Variants in NAA16 observed in about 807,000 individuals in gnomAD.
The protein encoded by NAA16 is NARG1-like protein.
Under a neutral mutation model 110.3 loss-of-function variants are expected in NAA16, and 97 were observed. The ratio of observed to expected loss-of-function variants is 0.88; its 90% CI spans 0.75 to 1.04. The LOEUF (loss-of-function observed/expected upper bound fraction) is 1.04, where lower values mean the gene tolerates loss of function less well. Ranked by LOEUF, NAA16 falls within the 50% of genes least tolerant of loss-of-function variation. The pLI is 0.00. For missense variants in NAA16, 1,017 were observed against 1,005.1 expected, an observed-to-expected ratio of 1.01 and a Z score of -0.16; for synonymous variants, 372 against 330.6, an observed-to-expected ratio of 1.13 and a Z score of -1.36.
Position 41,311,561 on chromosome 13 carries a change from C to T in NAA16, c.33C>T (p.Ser11=). The change falls in exon 1 of 20, where the codon AGC becomes AGT. Residue 11 remains serine, a synonymous_variant. Coordinates refer to ENST00000379406, the MANE Select transcript of NAA16 (RefSeq NM_024561.5). MPNVLLPPKE[S]NLFKRILKCY... is the part of the protein sequence containing the mutation. ...ACGTGCTGCTGCCGCCCAAGGAGAG[C>T]AACCTCTTCAAACGCATCTTGGTGA... The T allele has an allele frequency of 6.2e-7, 1 of 1,608,662 alleles. No individual in the cohort carries two copies. Among genetic ancestry groups the T allele is most frequent in the Non-Finnish European group, 8.5e-7 (1 of 1,177,858 alleles).
In NAA16 at chr13:41,360,631, T is replaced by C. The variant is rs77759991; in HGVS notation, c.1411-1400T>C. 3.7e-3 allele frequency among the ~76,000 whole-genome samples: 556 copies of C among 152,326 alleles called. 6 individuals carry two copies. Among genetic ancestry groups the C allele is most frequent in the African/African-American group, 0.013 (529 of 41,586 alleles). Reference sequence around the variant, plus strand: ...CATGCTGTATGGCAAGCTTGTTCACTTTATGCACACTAGTTTGTTGGCCAG... The same window carrying C: ...CATGCTGTATGGCAAGCTTGTTCACCTTATGCACACTAGTTTGTTGGCCAG... On this transcript the variant is annotated intron_variant, in intron 12 of 19. Coordinates refer to ENST00000379406, the MANE Select transcript of NAA16 (RefSeq NM_024561.5).
intron 5 of NAA16, among the ~76,000 whole-genome samples, chr13:41,324,347 T>C (rs1016439143): frequency 1.4e-5 from 2 of 147,872 alleles, no homozygotes; most frequent in Non-Finnish European, 3.0e-5. Context: ...TTTAGGTGTT[T>C]GCAATTTCTT....
chr13:41,344,227 G>A (rs934782779), intron 9 of NAA16, among the ~76,000 whole-genome samples: 1 of 152,208 alleles, frequency 6.6e-6, no homozygotes, highest in African/African-American at 2.4e-5. Context: ...TCACAAGGTT[G>A]TAAACATCAA....
At chr13:41,370,313 A>G (rs1346372254) in intron 15 of NAA16, among the ~76,000 whole-genome samples, 1 of 152,242 alleles carries the variant, frequency 6.6e-6, no homozygotes, top group South Asian at 2.1e-4. Flanking sequence ...GAGAAGAGGT[A>G]TCTGCCTGAA....
intron 8 of NAA16, among the ~76,000 whole-genome samples, chr13:41,336,290 G>A (rs2042379736): frequency 6.6e-6 from 1 of 152,108 alleles, no homozygotes; most frequent in Admixed American, 6.6e-5. Context: ...GAGTGTTGAA[G>A]TAAATGACAA....
chr13:41,350,194 T>G (rs996719671), intron 9 of NAA16, among the ~76,000 whole-genome samples: 4 of 150,456 alleles, frequency 2.7e-5, no homozygotes, highest in African/African-American at 9.8e-5. Flanking sequence ...CCTGGAAGGT[T>G]GAAGGCTGCA....
At position 41,323,799 on chromosome 13, in the gene NAA16, A is replaced by G. The variant is rs550622338; in HGVS notation, c.537+609A>G. On this transcript the variant is annotated intron_variant, in intron 5 of 19. Coordinates refer to ENST00000379406, the MANE Select transcript of NAA16 (RefSeq NM_024561.5). ...CACGCCTGCCTCCACGTTTCAATGG[A>G]GAATATTCTACATGTGGATTCAGCT... is the stretch of plus-strand genomic sequence containing the variant. Among the ~76,000 whole-genome samples, 13 of 152,128 alleles carry G rather than the reference A, an allele frequency of 8.5e-5. No individual in the cohort carries two copies. In the South Asian group the frequency reaches 2.7e-3, roughly 32 times the overall value.
At chr13:41,338,348 A>T (rs542054618) in intron 9 of NAA16, among the ~76,000 whole-genome samples, 1 of 152,310 alleles carries the variant, frequency 6.6e-6, no homozygotes, top group Admixed American at 6.5e-5. Flanking sequence ...CTTTTTAAAA[A>T]TTCTTCTAAT....
rs946543603 is a variant in NAA16 at position 41,374,784 on chromosome 13, A to G, written c.2342A>G (p.Lys781Arg). The change falls in exon 19 of 20, where the codon AAA becomes AGA. Residue 781 changes from lysine (K) to arginine (R), a missense_variant. Physicochemically the swap from Lys to Arg is conservative, Grantham distance 26 (BLOSUM62 2). Transcript: ENST00000379406. Reference protein sequence around the residue: ...MYFLDKSRQEKAIAIATRLDE... With the variant: ...MYFLDKSRQERAIAIATRLDE... ...TTTCTGGACAAGTCAAGGCAGGAGAAAGCAATTGCTATAGCCACTAGACTA... is the reference window on the plus strand; with the variant it reads ...TTTCTGGACAAGTCAAGGCAGGAGAGAGCAATTGCTATAGCCACTAGACTA... 1.2e-6 allele frequency: 2 copies of G among 1,613,118 alleles called. No homozygotes were observed. The highest frequency in any genetic ancestry group is 1.1e-5 in the South Asian group (1 of 90,922).
intron 2 of NAA16, among the ~76,000 whole-genome samples, chr13:41,318,031 A>G (rs1189502534): frequency 6.6e-6 from 1 of 152,198 alleles, no homozygotes; most frequent in African/African-American, 2.4e-5. Context: ...CTGTTCCAAT[A>G]TTGAATAAAG....
At chr13:41,332,002 T>A (rs1016151355) in intron 8 of NAA16, among the ~76,000 whole-genome samples, 2 of 152,128 alleles carry the variant, frequency 1.3e-5, no homozygotes, top group African/African-American at 2.4e-5. Context: ...TCCCTATAAT[T>A]AGTGACAAAT....
chr13:41,369,831 A>T (rs146475235), intron 15 of NAA16, among the ~76,000 whole-genome samples: 16 of 152,302 alleles, frequency 1.1e-4, no homozygotes, highest in Non-Finnish European at 1.9e-4. Context: ...TCGAATCTCC[A>T]AAGGAAATGC....
intron 9 of NAA16, among the ~76,000 whole-genome samples, chr13:41,344,609 G>A (rs942283421): frequency 2.6e-5 from 4 of 152,192 alleles, no homozygotes; most frequent in Admixed American, 6.5e-5. Context: ...TACTGTTGAC[G>A]TGTTGGGCTA....
Position 41,375,495 on chromosome 13 carries a change from C to T in NAA16, c.2488C>T (p.Leu830=). 6.2e-7 allele frequency: 1 copy of T among 1,614,086 alleles called. No individual in the cohort carries two copies. Among genetic ancestry groups the T allele is most frequent in the Non-Finnish European group, 8.5e-7 (1 of 1,179,954 alleles). The part of the protein sequence containing the change: ...YEEYRMACHN[L]LPFTSAFLPA... The stretch of plus-strand genomic sequence containing the variant: ...AGAATATAGGATGGCCTGTCATAAC[C>T]TGCTTCCTTTTACATCTGCCTTCTT... Residue 830 remains leucine (L), a synonymous_variant, in exon 20 of 20, where the codon CTG becomes TTG. Coordinates refer to ENST00000379406, the MANE Select transcript of NAA16 (RefSeq NM_024561.5).
At chr13:41,353,768 TACACACACACACACAC>T (rs58020530) in intron 9 of NAA16, among the ~76,000 whole-genome samples, 1 of 146,634 alleles carries the variant, frequency 6.8e-6, no homozygotes, top group Non-Finnish European at 1.5e-5. Flanking sequence ...CCCTGTCTCT[TACACACACACACACAC>T]ACACACACAC....
rs796139449 is a variant in NAA16 at position 41,348,272 on chromosome 13, A to G, written c.1015-6872A>G. Reference sequence around the variant, plus strand: ...AACCTCCACCTCGCGGGTTCAAGCTATTCTCCTGCCTCGGTCTCCCAAGTA... The same window carrying G: ...AACCTCCACCTCGCGGGTTCAAGCTGTTCTCCTGCCTCGGTCTCCCAAGTA... On this transcript the variant is annotated intron_variant, in intron 9 of 19. Coordinates refer to ENST00000379406, the MANE Select transcript of NAA16 (RefSeq NM_024561.5). Among the ~76,000 whole-genome samples the G allele has an allele frequency of 8.6e-5, 13 of 151,916 alleles. 1 individual carries two copies. Among genetic ancestry groups the G allele is most frequent in the South Asian group, 4.2e-4 (2 of 4,812 alleles).
intron 9 of NAA16, among the ~76,000 whole-genome samples, chr13:41,347,848 T>C (rs1394331571): frequency 6.6e-6 from 1 of 152,230 alleles, no homozygotes; most frequent in African/African-American, 2.4e-5. Flanking sequence ...TTTTCTTGAC[T>C]AATTGCCCTG....
At chr13:41,346,722 G>T (rs1174375320) in intron 9 of NAA16, among the ~76,000 whole-genome samples, 2 of 152,188 alleles carry the variant, frequency 1.3e-5, no homozygotes, top group Non-Finnish European at 2.9e-5. Flanking sequence ...TCTGGATTTT[G>T]AATAGCTTGC....
At chr13:41,324,359 C>CTTCTTTTTTTTTTTTTTTTT (rs1566248368) in intron 5 of NAA16, among the ~76,000 whole-genome samples, 1 of 71,942 alleles carries the variant, frequency 1.4e-5, no homozygotes. Context: ...CAATTTCTTT[C>CTTCTTTTTTTTTTTTTTTTT]TTTCTTTTTT....
Sources: gnomAD v4.1 joint callset for allele counts (sites outside exome capture counted in the v4.1 genomes callset) on GRCh38, gnomAD v4.1.1 for gene constraint, MANE v1.5 for transcripts, NCBI Gene and HGNC (gene_info 2026-07-23, HGNC 2026-07-21) for gene names.